Variants in SCAI observed in about 807,000 individuals in gnomAD.
SCAI encodes the protein suppressor of cancer cell invasion, also known as protein SCAI.
In SCAI, 24 loss-of-function variants were observed where a neutral mutation model predicts 92.2. The observed-to-expected ratio is 0.26, with a 90% CI of 0.19 to 0.37. The LOEUF (loss-of-function observed/expected upper bound fraction) is 0.37, where lower values mean the gene tolerates loss of function less well. SCAI is among the 10% of genes least tolerant of loss of function. The pLI, the probability that SCAI is intolerant of heterozygous loss-of-function variation, is 1.00. For missense variants in SCAI, 450 were observed against 736.2 expected, an observed-to-expected ratio of 0.61 and a Z score of 4.50; for synonymous variants, 261 against 258.6, an observed-to-expected ratio of 1.01 and a Z score of -0.09.
chr9:125,110,948 C>T (rs975593026), intron 2 of SCAI, among the ~76,000 whole-genome samples: 5 of 152,114 alleles, frequency 3.3e-5, no homozygotes, highest in South Asian at 4.1e-4. Flanking sequence ...CCAATTAAAC[C>T]GCTTCTCTTT....
At chr9:125,010,197 C>A (rs572424702) in intron 9 of SCAI, among the ~76,000 whole-genome samples, 1 of 152,196 alleles carries the variant, frequency 6.6e-6, no homozygotes, top group Non-Finnish European at 1.5e-5. Flanking sequence ...GTGGGTGCAG[C>A]GCACCGTGCG....
At chr9:125,063,943 G>A (rs548796039) in intron 2 of SCAI, among the ~76,000 whole-genome samples, 23 of 152,024 alleles carry the variant, frequency 1.5e-4, no homozygotes, top group Admixed American at 4.6e-4. Context: ...TAGTAGAGAC[G>A]GGGTTTCACC....
intron 2 of SCAI, among the ~76,000 whole-genome samples, chr9:125,080,991 T>G (rs912369236): frequency 1.2e-4 from 19 of 152,238 alleles, no homozygotes; most frequent in African/African-American, 4.6e-4. Context: ...ACAAGTTATC[T>G]CTTTGCCTGC....
rs1831191470 is a variant in SCAI at position 124,948,777 on chromosome 9, A to AC, written c.*4029_*4030insG. The AC allele has an allele frequency of 6.6e-5, 10 of 152,254 alleles. 1 individual carries two copies. In the South Asian group the frequency reaches 2.1e-3, roughly 32 times the overall value. 9.4% of individuals were successfully genotyped at this position (152,254 alleles called of 1,614,324 possible). On this transcript the variant is annotated 3_prime_UTR_variant, in exon 18 of 18. Transcript: ENST00000336505. Reference sequence around the variant, plus strand: ...TGATAGTTAAGAGAGATGAGAGACTATCAGAATCTCCAGGGACAGTTTGTG... The same window carrying AC: ...TGATAGTTAAGAGAGATGAGAGACTACTCAGAATCTCCAGGGACAGTTTGTG...
intron 2 of SCAI, among the ~76,000 whole-genome samples, chr9:125,075,340 A>G (rs1184382413): frequency 6.6e-6 from 1 of 152,154 alleles, no homozygotes; most frequent in East Asian, 1.9e-4. Context: ...ATCACCAATC[A>G]GCAAGCTATT....
rs116989336 is a variant in SCAI at position 125,086,125 on chromosome 9, T to C, written c.99-30118A>G. 6.6e-4 allele frequency among the ~76,000 whole-genome samples: 100 copies of C among 152,358 alleles called. No homozygotes were observed. The East Asian group carries it at 0.016, about 24-fold the overall frequency. On this transcript the variant is annotated intron_variant, in intron 2 of 17. Coordinates refer to ENST00000336505, the MANE Select transcript of SCAI (RefSeq NM_001144877.3). ...GAACTCTTAAAATACTTTGCTTATA[T>C]AGTTCAATTGCCGTATATCATAGTT...
chr9:124,957,319 TTCTATGTATTAGCAACAA>T (rs1295647261), intron 17 of SCAI, among the ~76,000 whole-genome samples: 2 of 152,074 alleles, frequency 1.3e-5, no homozygotes, highest in Non-Finnish European at 2.9e-5. Flanking sequence ...AAAAGTGCAT[TTCTATGTATTAGCAACAA>T]GCAACTGAAA....
At chr9:125,003,641 G>A (rs556357760) in intron 9 of SCAI, 71 bp from the exon 10 acceptor site, 18 of 909,712 alleles carry the variant, frequency 2.0e-5, no homozygotes, top group Admixed American at 6.1e-5. Context: ...CTTTTATCAC[G>A]TTACTAGTTG....
At chr9:125,042,520 C>T (rs999071521) in intron 3 of SCAI, among the ~76,000 whole-genome samples, 3 of 151,798 alleles carry the variant, frequency 2.0e-5, no homozygotes, top group African/African-American at 7.3e-5. Context: ...ACCACTTTCT[C>T]ACCATCTTGT....
At chr9:124,976,259 C>T in intron 14 of SCAI, 73 bp from the exon 15 acceptor site, 3 of 1,112,088 alleles carry the variant, frequency 2.7e-6, no homozygotes, top group Admixed American at 1.7e-5. Context: ...TTTTCCAAAG[C>T]ATATTTTTAG....
At position 124,947,753 on chromosome 9, in the gene SCAI, C is replaced by G. The variant is rs1349639475; in HGVS notation, c.*5054G>C. 1 of 151,964 alleles carries G rather than the reference C, an allele frequency of 6.6e-6. No individual in the cohort carries two copies. The highest frequency in any genetic ancestry group is 1.5e-5 in the Non-Finnish European group (1 of 67,974). 9.4% of individuals were successfully genotyped at this position (151,964 alleles called of 1,614,324 possible). A position where few individuals can be genotyped will look rare whatever the true frequency, so the allele number is the denominator to read the frequency against. ...AAATAAATAAGGTCAACAAAAGAGC[C>G]CTCAAGGTAAATACCCTCTATGATT... On this transcript the variant is annotated 3_prime_UTR_variant, in exon 18 of 18. Transcript: ENST00000336505.
At chr9:125,099,746 T>C (rs188134014) in intron 2 of SCAI, among the ~76,000 whole-genome samples, 337 of 152,352 alleles carry the variant, frequency 2.2e-3, no homozygotes, top group Non-Finnish European at 3.8e-3. Flanking sequence ...ACTGTCTCTA[T>C]GAATTTGACT....
chr9:124,996,397 G>T (rs992979782), intron 13 of SCAI, among the ~76,000 whole-genome samples: 3 of 152,108 alleles, frequency 2.0e-5, no homozygotes, highest in African/African-American at 7.2e-5. Context: ...GATCTCCCAG[G>T]CTCAAGTGAT....
intron 3 of SCAI, among the ~76,000 whole-genome samples, chr9:125,046,714 A>C (rs1326777371): frequency 6.6e-6 from 1 of 151,038 alleles, no homozygotes; most frequent in Non-Finnish European, 1.5e-5. Flanking sequence ...TAAAAAAAAA[A>C]AAAAACTAAC....
intron 2 of SCAI, among the ~76,000 whole-genome samples, chr9:125,109,257 G>C (rs918287303): frequency 6.6e-6 from 1 of 151,970 alleles, no homozygotes; most frequent in African/African-American, 2.4e-5. Flanking sequence ...GAAAACCAGA[G>C]ACCTTTGTTC....
intron 17 of SCAI, among the ~76,000 whole-genome samples, chr9:124,958,972 T>C (rs2131575849): frequency 6.6e-6 from 1 of 151,072 alleles, no homozygotes. Context: ...ATTTCTGGGA[T>C]AATACACAAA....
intron 17 of SCAI, among the ~76,000 whole-genome samples, chr9:124,954,143 A>G (rs544150629): frequency 6.6e-6 from 1 of 152,236 alleles, no homozygotes; most frequent in Non-Finnish European, 1.5e-5. Flanking sequence ...ACCCAGCCCT[A>G]ATTAGAGGTT....
chr9:125,126,888 C>A (rs1835291027), intron 2 of SCAI, among the ~76,000 whole-genome samples: 1 of 152,050 alleles, frequency 6.6e-6, no homozygotes, highest in Non-Finnish European at 1.5e-5. Flanking sequence ...CTTCCCAATC[C>A]CCAAGATGAT....
Position 124,947,386 on chromosome 9 carries a change from G to A in SCAI, c.*5421C>T, listed in dbSNP as rs566764397. 4 of 152,178 alleles carry A rather than the reference G, an allele frequency of 2.6e-5. No homozygotes were observed. The highest frequency in any genetic ancestry group is 2.0e-4 in the Admixed American group (3 of 15,276). 9.4% of individuals were successfully genotyped at this position (152,178 alleles called of 1,614,324 possible). A position where few individuals can be genotyped will look rare whatever the true frequency, so the allele number is the denominator to read the frequency against. ...ATAAAAATTTGCAGGTGATTTTAAA[G>A]CTAAGAATAAATATCTAGCTTTCTG... On this transcript the variant is annotated 3_prime_UTR_variant, in exon 18 of 18. Transcript: ENST00000336505.
Sources: allele counts gnomAD v4.1 joint callset (sites outside exome capture counted in the v4.1 genomes callset), GRCh38; gene constraint gnomAD v4.1.1; transcripts MANE v1.5; gene names NCBI Gene and HGNC (gene_info 2026-07-23, HGNC 2026-07-21).